STRN: variants seen among roughly 807,000 people sequenced by gnomAD.
The protein encoded by STRN is protein phosphatase 2 regulatory subunit B'''alpha.
STRN carries 53 observed loss-of-function variants against 96.3 expected under a neutral mutation model. That is an observed-to-expected ratio of 0.55 (90% CI 0.44 to 0.69). STRN has a LOEUF of 0.69. Among genes scored for constraint, STRN ranks in the 30% least tolerant of loss-of-function variants. The pLI is 0.00. For missense variants in STRN, 987 were observed against 963.9 expected, an observed-to-expected ratio of 1.02 and a Z score of -0.32; for synonymous variants, 428 against 355.9, an observed-to-expected ratio of 1.20 and a Z score of -2.28.
intron 1 of STRN, among the ~76,000 whole-genome samples, chr2:36,945,847 T>C (rs946369423): frequency 6.6e-6 from 1 of 152,204 alleles, no homozygotes; most frequent in Non-Finnish European, 1.5e-5. Flanking sequence ...CTACTAGTTT[T>C]AACATCTCTT....
chr2:36,876,429 T>C (rs1668913875), intron 10 of STRN, among the ~76,000 whole-genome samples: 1 of 152,166 alleles, frequency 6.6e-6, no homozygotes. Context: ...ATTTCAACTG[T>C]CTTTGGAGGT....
chr2:36,929,743 T>C (rs940348372), intron 1 of STRN, among the ~76,000 whole-genome samples: 3 of 152,206 alleles, frequency 2.0e-5, no homozygotes, highest in Admixed American at 6.5e-5. Context: ...GGATTCAAAA[T>C]TGAAATCACT....
intron 15 of STRN, among the ~76,000 whole-genome samples, chr2:36,851,787 CA>C (rs1171165759): frequency 2.0e-5 from 3 of 152,104 alleles, no homozygotes; most frequent in Non-Finnish European, 2.9e-5. Flanking sequence ...TTTTTGCATA[CA>C]AAGTTCTGTA....
intron 1 of STRN, among the ~76,000 whole-genome samples, chr2:36,937,074 T>C (rs1202102530): frequency 6.6e-6 from 1 of 152,080 alleles, no homozygotes; most frequent in African/African-American, 2.4e-5. Context: ...CCGGAAACGG[T>C]GGCTCATGCT....
chr2:36,899,893 C>A (rs773282239), intron 5 of STRN, among the ~76,000 whole-genome samples: 1 of 152,048 alleles, frequency 6.6e-6, no homozygotes, highest in Non-Finnish European at 1.5e-5. Flanking sequence ...TACCTACCTA[C>A]CTATCTACCT....
intron 14 of STRN, among the ~76,000 whole-genome samples, chr2:36,857,541 G>T (rs1302678324): frequency 1.3e-5 from 2 of 151,810 alleles, no homozygotes; most frequent in Non-Finnish European, 2.9e-5. Context: ...AGCTGAGCGT[G>T]GTGGTGTGTG....
At chr2:36,922,207 A>G (rs1670277634) in intron 2 of STRN, among the ~76,000 whole-genome samples, 1 of 152,136 alleles carries the variant, frequency 6.6e-6, no homozygotes, top group Non-Finnish European at 1.5e-5. Flanking sequence ...CAACTCCTCT[A>G]TTAGAGGTCA....
intron 7 of STRN, among the ~76,000 whole-genome samples, chr2:36,887,562 A>G (rs1440331665): frequency 6.6e-6 from 1 of 152,070 alleles, no homozygotes; most frequent in Non-Finnish European, 1.5e-5. Context: ...TTATGTGATG[A>G]GAGAAAATTT....
intron 1 of STRN, among the ~76,000 whole-genome samples, chr2:36,925,953 C>G (rs1670398049): frequency 1.3e-5 from 2 of 152,214 alleles, no homozygotes; most frequent in East Asian, 1.9e-4. Flanking sequence ...AATTTTATGA[C>G]AGATTCCTTA....
chr2:36,922,740 G>C (rs1192877082), intron 2 of STRN, among the ~76,000 whole-genome samples: 1 of 152,088 alleles, frequency 6.6e-6, no homozygotes, highest in Non-Finnish European at 1.5e-5. Flanking sequence ...TGTCAAACAT[G>C]TTCTCTCTAC....
rs1001625905 is a variant in STRN, at chr2:36,843,892, A to G, written c.*5564T>C. ...TAGCTTATCCATACCCTGAATTTAC[A>G]TAAGAAACTTCTTGCACCACAAAAA... is the stretch of plus-strand genomic sequence containing the variant. On this transcript the variant is annotated 3_prime_UTR_variant, in exon 18 of 18. Coordinates refer to ENST00000263918, the MANE Select transcript of STRN (RefSeq NM_003162.4). 6.6e-6 allele frequency: 1 copy of G among 152,208 alleles called. No homozygotes were observed. The highest frequency in any genetic ancestry group is 1.5e-5 in the Non-Finnish European group (1 of 68,028). The allele number at this position is 152,208 out of a possible 1,614,324, so 9.4% of individuals were successfully genotyped here. A position where few individuals can be genotyped will look rare whatever the true frequency, so the allele number is the denominator to read the frequency against.
At chr2:36,945,405 C>T (rs927846048) in intron 1 of STRN, among the ~76,000 whole-genome samples, 2 of 152,242 alleles carry the variant, frequency 1.3e-5, no homozygotes, top group African/African-American at 2.4e-5. Context: ...TGGTGGCTCG[C>T]GCCTGTAATC....
chr2:36,875,922 G>A (rs1221545974), intron 10 of STRN, among the ~76,000 whole-genome samples: 1 of 152,130 alleles, frequency 6.6e-6, no homozygotes, highest in African/African-American at 2.4e-5. Flanking sequence ...CTCCCAAAGT[G>A]CTGGGATACA....
intron 15 of STRN, among the ~76,000 whole-genome samples, chr2:36,853,729 T>G (rs1022194883): frequency 2.0e-5 from 3 of 152,202 alleles, no homozygotes; most frequent in Non-Finnish European, 4.4e-5. Flanking sequence ...GCTTGTTTGG[T>G]CCTTTCATTT....
intron 3 of STRN, among the ~76,000 whole-genome samples, chr2:36,909,998 C>A (rs903899659): frequency 5.9e-5 from 9 of 151,914 alleles, no homozygotes; most frequent in Admixed American, 5.2e-4. Flanking sequence ...CATGGTAAAA[C>A]CCCATTTCTA....
At chr2:36,922,653 G>A (rs1185374595) in intron 2 of STRN, among the ~76,000 whole-genome samples, 2 of 152,070 alleles carry the variant, frequency 1.3e-5, no homozygotes, top group South Asian at 2.1e-4. Context: ...TCAACTGAGA[G>A]GAGGACCACA....
At chr2:36,888,929 C>T (rs1321481681) in intron 7 of STRN, among the ~76,000 whole-genome samples, 1 of 152,074 alleles carries the variant, frequency 6.6e-6, no homozygotes, top group African/African-American at 2.4e-5. Flanking sequence ...AGCAATCTTC[C>T]CACCTCAGCC....
At chr2:36,899,477 T>A (rs1409982414) in intron 6 of STRN, 46 bp downstream of exon 6, 1 of 1,562,070 alleles carries the variant, frequency 6.4e-7, no homozygotes, top group Non-Finnish European at 8.7e-7. Context: ...ACAGTATGTA[T>A]TATAGTCCCT....
intron 12 of STRN, among the ~76,000 whole-genome samples, chr2:36,862,005 A>G (rs1391155025): frequency 1.3e-5 from 2 of 152,114 alleles, no homozygotes; most frequent in African/African-American, 4.8e-5. Flanking sequence ...GTTCTCACTT[A>G]TAAGTGAGAA....
Sources: gnomAD v4.1 joint callset for allele counts (sites outside exome capture counted in the v4.1 genomes callset) on GRCh38, gnomAD v4.1.1 for gene constraint, MANE v1.5 for transcripts, NCBI Gene and HGNC (gene_info 2026-07-23, HGNC 2026-07-21) for gene names.